DAB2IP: variants seen among roughly 807,000 people sequenced by gnomAD.
DAB2IP encodes the protein DAB2 interacting protein.
Under a neutral mutation model 107.2 loss-of-function variants are expected in DAB2IP, and 28 were observed. The observed-to-expected ratio is 0.26, with a 90% CI of 0.19 to 0.36. The LOEUF is 0.36. Among genes scored for constraint, DAB2IP ranks in the 10% least tolerant of loss-of-function variants. The pLI, the probability that DAB2IP is intolerant of heterozygous loss-of-function variation, is 1.00. For synonymous variants in DAB2IP, 755 were observed against 706.4 expected, an observed-to-expected ratio of 1.07 and a Z score of -1.09; for missense variants, 1,400 against 1,644.7, an observed-to-expected ratio of 0.85 and a Z score of 2.57.
exon 16 of DAB2IP, chr9:121,783,713 C>A (rs1835818488): frequency 4.4e-6 from 4 of 913,492 alleles, no homozygotes; most frequent in East Asian, 4.9e-5. Flanking sequence ...CCTCACCCTT[C>A]CCGGCCCCCG....
intron 1 of DAB2IP, among the ~76,000 whole-genome samples, chr9:121,670,935 G>A (rs1328559833): frequency 2.6e-5 from 4 of 152,002 alleles, no homozygotes; most frequent in Admixed American, 6.6e-5. Context: ...GGAGGATCGC[G>A]AGGTCAAGAG....
intron 1 of DAB2IP, among the ~76,000 whole-genome samples, chr9:121,617,021 A>C (rs745446836): frequency 2.0e-5 from 3 of 152,072 alleles, no homozygotes; most frequent in Non-Finnish European, 4.4e-5. Context: ...GGAGAGGTTT[A>C]TCTGTTCCGT....
chr9:121,717,920 T>G (rs533152423), intron 3 of DAB2IP, among the ~76,000 whole-genome samples: 1 of 152,272 alleles, frequency 6.6e-6, no homozygotes, highest in South Asian at 2.1e-4. Flanking sequence ...CCAAGGTCCC[T>G]GTTTGGGCCG....
chr9:121,652,590 A>C (rs571261091), intron 1 of DAB2IP, among the ~76,000 whole-genome samples: 21 of 152,224 alleles, frequency 1.4e-4, no homozygotes, highest in African/African-American at 4.8e-4. Flanking sequence ...GGAGGCCTTC[A>C]AAGGGGCTCT....
intron 1 of DAB2IP, among the ~76,000 whole-genome samples, chr9:121,569,714 G>A (rs1829889197): frequency 6.6e-6 from 1 of 152,188 alleles, no homozygotes; most frequent in South Asian, 2.1e-4. Flanking sequence ...CCAGCTACTT[G>A]GGAGGCTGAG....
intron 1 of DAB2IP, among the ~76,000 whole-genome samples, chr9:121,591,211 G>A (rs1005307445): frequency 6.6e-6 from 1 of 152,220 alleles, no homozygotes; most frequent in Non-Finnish European, 1.5e-5. Flanking sequence ...GCTTATGCCT[G>A]TAATCCCAGC....
In DAB2IP at chr9:121,699,428, GCGC is replaced by G. The variant is rs769541616; in HGVS notation, c.348_350del (p.Ala117del). 952 of 1,448,300 alleles carry G rather than the reference GCGC, an allele frequency of 6.6e-4. No homozygotes were observed. The highest frequency in any genetic ancestry group is 2.4e-3 in the South Asian group (175 of 73,450). The allele number at this position is 1,448,300 out of a possible 1,614,324, so 89.7% of individuals were successfully genotyped here. A position where few individuals can be genotyped will look rare whatever the true frequency, so the allele number is the denominator to read the frequency against. On this transcript the variant is annotated inframe_deletion, in exon 3 of 16. Coordinates refer to ENST00000408936, the Ensembl canonical transcript of DAB2IP. The surrounding 1 kb of genome is among the most constrained non-coding windows in gnomAD (Gnocchi z 6.2). ...CGCCACATCCTGCCGGGGTTCCGGA[GCGC>G]CGCCGCCGCCGCCGCGGACAATGAG...
chr9:121,664,928 G>A (rs1394474146), intron 1 of DAB2IP, among the ~76,000 whole-genome samples: 1 of 152,188 alleles, frequency 6.6e-6, no homozygotes, highest in South Asian at 2.1e-4. Flanking sequence ...TCCCCTACAG[G>A]ATCTTATATA....
chr9:121,749,139 C>G (rs1379248212), intron 3 of DAB2IP, among the ~76,000 whole-genome samples: 1 of 152,218 alleles, frequency 6.6e-6, no homozygotes, highest in Admixed American at 6.5e-5. Flanking sequence ...TCTCCTCTCC[C>G]CTGGGATCCC....
intron 1 of DAB2IP, among the ~76,000 whole-genome samples, chr9:121,658,694 C>G (rs115247806): frequency 6.0e-4 from 91 of 152,336 alleles, no homozygotes; most frequent in African/African-American, 1.9e-3. Flanking sequence ...AGACTCGATA[C>G]TCAGCAAAGA....
intron 1 of DAB2IP, among the ~76,000 whole-genome samples, chr9:121,584,399 C>A (rs1455866595): frequency 6.6e-6 from 1 of 151,664 alleles, no homozygotes; most frequent in African/African-American, 2.4e-5. Flanking sequence ...CAGAGCAAGA[C>A]CCTGTCTCTA....
At position 121,772,130 on chromosome 9, in the gene DAB2IP, A is replaced by T. The variant is rs1052850834; in HGVS notation, c.2079-477A>T. Among the ~76,000 whole-genome samples, 2 of 152,098 alleles carry T rather than the reference A, an allele frequency of 1.3e-5. No homozygotes were observed. The highest frequency in any genetic ancestry group is 4.8e-5 in the African/African-American group (2 of 41,416). On this transcript the variant is annotated intron_variant, in intron 11 of 15. Coordinates refer to ENST00000408936, the Ensembl canonical transcript of DAB2IP. The surrounding 1 kb of genome is among the most constrained non-coding windows in gnomAD (Gnocchi z 4.7). ...GAGCGGCAGCAGGAGGCTGGGCAAG[A>T]GGAGGTTTCACCGGGCCCCCACTTC...
At chr9:121,641,400 C>T (rs1337072918) in intron 1 of DAB2IP, among the ~76,000 whole-genome samples, 1 of 152,204 alleles carries the variant, frequency 6.6e-6, no homozygotes, top group Non-Finnish European at 1.5e-5. Flanking sequence ...TCTGGCAGTG[C>T]TTGCCTCTCC....
intron 2 of DAB2IP, among the ~76,000 whole-genome samples, chr9:121,687,446 A>G (rs1215082570): frequency 6.6e-6 from 1 of 152,148 alleles, no homozygotes; most frequent in Non-Finnish European, 1.5e-5. Flanking sequence ...GGGCCAACAG[A>G]CACTCAGTCA....
intron 3 of DAB2IP, among the ~76,000 whole-genome samples, chr9:121,754,552 T>A (rs905586339): frequency 6.6e-6 from 1 of 152,182 alleles, no homozygotes. Flanking sequence ...GGGAGGGTCA[T>A]GGCTGCCCAG....
chr9:121,655,489 A>G (rs893258467), intron 1 of DAB2IP, among the ~76,000 whole-genome samples: 4 of 152,288 alleles, frequency 2.6e-5, no homozygotes, highest in South Asian at 4.1e-4. Context: ...GATGAATCAC[A>G]TGTGCTCCCA....
chr9:121,582,171 G>A (rs1056739743), intron 1 of DAB2IP, among the ~76,000 whole-genome samples: 27 of 152,296 alleles, frequency 1.8e-4, no homozygotes, highest in East Asian at 5.8e-4. Context: ...GTGCCTGAGC[G>A]TCTCAGCACA....
intron 2 of DAB2IP, among the ~76,000 whole-genome samples, chr9:121,694,394 G>A (rs1338334601): frequency 6.6e-6 from 1 of 152,138 alleles, no homozygotes; most frequent in Non-Finnish European, 1.5e-5. Context: ...GGCGCTCCTA[G>A]GCATCCTCTC....
At chr9:121,670,611 C>G (rs1156282352) in intron 1 of DAB2IP, among the ~76,000 whole-genome samples, 1 of 152,256 alleles carries the variant, frequency 6.6e-6, no homozygotes, top group Non-Finnish European at 1.5e-5. Flanking sequence ...CTGTCTGTGT[C>G]AAAGCTGGCA....
Sources: gnomAD v4.1 joint callset for allele counts (sites outside exome capture counted in the v4.1 genomes callset) on GRCh38, gnomAD v4.1.1 for gene constraint, Gnocchi (gnomAD v3.1) non-coding constraint, MANE v1.5 for transcripts, NCBI Gene and HGNC (gene_info 2026-07-23, HGNC 2026-07-21) for gene names.